The following SIRPG variants were observed in gnomAD, a reference collection of about 807,000 sequenced individuals.
SIRPG encodes the protein signal regulatory protein gamma, also known as signal-regulatory protein gamma.
In SIRPG, 38 loss-of-function variants were observed where a neutral mutation model predicts 35.7. The ratio of observed to expected loss-of-function variants is 1.06; its 90% CI spans 0.82 to 1.40. The LOEUF (loss-of-function observed/expected upper bound fraction) is 1.40. Ranked by LOEUF, SIRPG falls within the 40% of genes most tolerant of loss-of-function variation. SIRPG has a pLI of 0.00. For synonymous variants in SIRPG, 215 were observed against 190.4 expected (o/e 1.13, Z -1.06); for missense variants, 519 against 483.0 (o/e 1.07, Z -0.70).
At chr20:1,684,940 T>C in the SIRPG span, among the ~76,000 whole-genome samples, 2 of 152,238 alleles carry the variant, frequency 1.3e-5, no homozygotes, top group African/African-American at 2.4e-5. Flanking sequence ...GCTGAACTCT[T>C]ACCACTGTCA....
At chr20:1,659,797 A>G (rs865808949), upstream of SIRPG, among the ~76,000 whole-genome samples, 1 of 152,236 alleles carries the variant, frequency 6.6e-6, no homozygotes, top group Non-Finnish European at 1.5e-5. Flanking sequence ...AGAAGAAGCT[A>G]TAGCCTCAAT....
At position 1,649,192 on chromosome 20, in the gene SIRPG, CT is replaced by C. The variant is rs1423762871; in HGVS notation, c.289del (p.Arg97GlufsTer24). ...GCGGATGGAAAAGTCCATGTTGTTT[CT>C]CTTTGTGAGGTCTGAAACTGTTGTT... ...RVTTVSDLTK[R>X]NNMDFSIRIS... On this transcript the variant is annotated frameshift_variant, in exon 2 of 6. Transcript: ENST00000303415. LOFTEE classifies it high-confidence loss of function. 6.2e-6 allele frequency: 10 copies of C among 1,614,028 alleles called. No homozygotes were observed. The highest frequency in any genetic ancestry group is 3.3e-5 in the Admixed American group (2 of 59,992).
chr20:1,660,185 C>T (rs2091992516), upstream of SIRPG, among the ~76,000 whole-genome samples: 1 of 151,984 alleles, frequency 6.6e-6, no homozygotes, highest in Non-Finnish European at 1.5e-5. Flanking sequence ...AATACCAAAA[C>T]ACAGACTTTG....
At chr20:1,650,483 A>G (rs1468467483) in intron 1 of SIRPG, among the ~76,000 whole-genome samples, 4 of 152,222 alleles carry the variant, frequency 2.6e-5, no homozygotes, top group African/African-American at 9.7e-5. Context: ...GGGTTCCCCA[A>G]CAGGTGTGAA....
chr20:1,636,083 G>T, intron 3 of SIRPG, 105 bp downstream of exon 3: 1 of 1,518,126 alleles, frequency 6.6e-7, no homozygotes, highest in Non-Finnish European at 9.0e-7. Context: ...AGTATAGTCA[G>T]GGATTAGATT....
At chr20:1,654,013 G>A (rs537146235) in intron 1 of SIRPG, among the ~76,000 whole-genome samples, 1 of 152,292 alleles carries the variant, frequency 6.6e-6, no homozygotes, top group South Asian at 2.1e-4. Context: ...GCCGAAGCGA[G>A]CAGATCACGA....
chr20:1,647,762 T>C (rs931057814), intron 2 of SIRPG: 4 of 152,190 alleles, frequency 2.6e-5, no homozygotes, highest in African/African-American at 9.7e-5. Context: ...ATACGGAATG[T>C]TAGGGCTTAT....
chr20:1,669,388 A>G, the SIRPG span, among the ~76,000 whole-genome samples: 2 of 152,230 alleles, frequency 1.3e-5, no homozygotes, highest in African/African-American at 4.8e-5. Flanking sequence ...AAATGTGCAG[A>G]GGGATGTTGC....
chr20:1,672,648 A>G, the SIRPG span, among the ~76,000 whole-genome samples: 55 of 152,038 alleles, frequency 3.6e-4, no homozygotes, highest in Admixed American at 3.5e-3. Context: ...GCTGTATGAG[A>G]CTCTATTCAG....
intron 2 of SIRPG, among the ~76,000 whole-genome samples, chr20:1,640,429 G>C (rs1193159647): frequency 6.6e-6 from 1 of 152,110 alleles, no homozygotes; most frequent in African/African-American, 2.4e-5. Flanking sequence ...TGGTGTATAG[G>C]AATGCTTGTG....
chr20:1,674,914 T>C, the SIRPG span, among the ~76,000 whole-genome samples: 1 of 152,194 alleles, frequency 6.6e-6, no homozygotes, highest in Admixed American at 6.5e-5. Flanking sequence ...TGCCTCCTTG[T>C]CCTCCATGTG....
intron 2 of SIRPG, among the ~76,000 whole-genome samples, chr20:1,643,883 T>G (rs1022761219): frequency 6.6e-6 from 1 of 152,100 alleles, no homozygotes; most frequent in African/African-American, 2.4e-5. Context: ...TCTGGTTGGC[T>G]CCCACACCTG....
rs777894070 is a variant in SIRPG, at chr20:1,630,303, G to A, written c.1085C>T (p.Pro362Leu). 7.1e-6 allele frequency: 11 copies of A among 1,559,204 alleles called. No individual in the cohort carries two copies. Among genetic ancestry groups the A allele is most frequent in the East Asian group, 4.8e-5 (2 of 41,990 alleles). ...GAGCAGCGCAGTAAGGGATGATGCC[G>A]GGCCTGGAAATCAGGGAAGACGAGG... is the stretch of plus-strand genomic sequence containing the variant. ...KDQSSDATPG[P>L]ASSLTALLLI... is the part of the protein sequence containing the mutation. The change falls in exon 5 of 6, where the codon CCG (proline) becomes CTG (leucine). Residue 362 changes from proline to leucine, a missense_variant. Coordinates refer to ENST00000303415, the MANE Select transcript of SIRPG (RefSeq NM_018556.4).
chr20:1,649,298 C>G lies in SIRPG; in HGVS notation c.184G>C (p.Gly62Arg). Reference sequence around the variant, plus strand: ...ACTCCTCTGAACCACAGGACGGGTCCCACGGGAAGCAGGGAGGTCACAGTG... The same window carrying G: ...ACTCCTCTGAACCACAGGACGGGTCGCACGGGAAGCAGGGAGGTCACAGTG... ...HCTVTSLLPVGPVLWFRGVGP... is the reference protein window; with the variant it reads ...HCTVTSLLPVRPVLWFRGVGP... Residue 62 changes from glycine to arginine, a missense_variant, in exon 2 of 6, where the codon GGA (glycine) becomes CGA (arginine). Coordinates refer to ENST00000303415, the MANE Select transcript of SIRPG (RefSeq NM_018556.4). 1.2e-6 allele frequency: 2 copies of G among 1,614,092 alleles called. No homozygotes were observed. Among genetic ancestry groups the G allele is most frequent in the Non-Finnish European group, 8.5e-7 (1 of 1,180,016 alleles).
upstream of SIRPG, among the ~76,000 whole-genome samples, chr20:1,661,958 G>A (rs751050339): frequency 2.2e-4 from 33 of 152,190 alleles, no homozygotes; most frequent in Non-Finnish European, 4.1e-4. Context: ...TGCAATTTCA[G>A]AGACCATAAT....
chr20:1,657,951 A>G (rs2091985124), upstream of SIRPG, among the ~76,000 whole-genome samples: 2 of 152,224 alleles, frequency 1.3e-5, no homozygotes, highest in Admixed American at 6.5e-5. Flanking sequence ...GTTAGCAGAA[A>G]TAATGCTTCC....
At chr20:1,671,072 T>C in the SIRPG span, 1 of 427,374 alleles carries the variant, frequency 2.3e-6, no homozygotes, top group Admixed American at 2.6e-5. Flanking sequence ...AGCTCATTCC[T>C]ATTTTTGGAC....
At chr20:1,658,864 A>T (rs1375907505), upstream of SIRPG, among the ~76,000 whole-genome samples, 3 of 152,068 alleles carry the variant, frequency 2.0e-5, no homozygotes, top group Non-Finnish European at 4.4e-5. Flanking sequence ...TATATAGTGT[A>T]TTTGGACTCT....
At chr20:1,666,567 T>C in the SIRPG span, 2 of 152,198 alleles carry the variant, frequency 1.3e-5, no homozygotes, top group African/African-American at 4.8e-5. Context: ...ACTGTCATAC[T>C]GATCAGCAGT....
Sources: gnomAD v4.1 joint callset for allele counts (sites outside exome capture counted in the v4.1 genomes callset) on GRCh38, gnomAD v4.1.1 for gene constraint, MANE v1.5 for transcripts, NCBI Gene and HGNC (gene_info 2026-07-23, HGNC 2026-07-21) for gene names.